TRANK1: variants seen among roughly 807,000 people sequenced by gnomAD.
The protein encoded by TRANK1 is tetratricopeptide repeat and ankyrin repeat containing 1, also known as TPR and ankyrin repeat-containing protein 1.
Under a neutral mutation model 266.0 loss-of-function variants are expected in TRANK1, and 198 were observed. The ratio of observed to expected loss-of-function variants is 0.74; its 90% confidence interval spans 0.66 to 0.84. The LOEUF is 0.84. Ranked by LOEUF, TRANK1 falls within the 40% of genes least tolerant of loss-of-function variation. The pLI is 0.00. For missense variants in TRANK1, 3,326 were observed against 3,634.6 expected (o/e 0.92, Z 2.18); for synonymous variants, 1,396 against 1,384.1 (o/e 1.01, Z -0.19).
chr3:36,870,560 T>C (rs2079293000), intron 9 of TRANK1, among the ~76,000 whole-genome samples: 1 of 152,198 alleles, frequency 6.6e-6, no homozygotes, highest in African/African-American at 2.4e-5. Flanking sequence ...TTCTCTATAG[T>C]CTTTCAATAT....
chr3:36,870,940 G>A (rs910326233), intron 9 of TRANK1, among the ~76,000 whole-genome samples: 1 of 115,210 alleles, frequency 8.7e-6, no homozygotes, highest in Admixed American at 1.1e-4. Flanking sequence ...AGATATTCAA[G>A]GATTGTATTA....
intron 23 of TRANK1, 84 bp from the exon 24 acceptor site, chr3:36,828,459 AAAGG>A: frequency 1.0e-6 from 1 of 973,248 alleles, no homozygotes; most frequent in East Asian, 2.6e-5. Context: ...GGAAGGAAGG[AAAGG>A]AGGAAGGGAG....
intron 10 of TRANK1, among the ~76,000 whole-genome samples, chr3:36,861,915 C>T (rs2079148424): frequency 1.3e-5 from 2 of 152,020 alleles, no homozygotes; most frequent in South Asian, 4.1e-4. Flanking sequence ...CTATGTTAGC[C>T]AGGATGGTCT....
chr3:36,847,675 C>G (rs1056667817), intron 15 of TRANK1, among the ~76,000 whole-genome samples: 9 of 152,146 alleles, frequency 5.9e-5, no homozygotes, highest in Admixed American at 2.6e-4. Flanking sequence ...ACAGGGGAAT[C>G]CCCACCCCTT....
At chr3:36,864,291 C>T in intron 10 of TRANK1, 28 bp downstream of exon 10, 1 of 1,468,504 alleles carries the variant, frequency 6.8e-7, no homozygotes, top group Non-Finnish European at 9.0e-7. Flanking sequence ...TCATTTTTAA[C>T]ATCATTGAAC....
intron 8 of TRANK1, among the ~76,000 whole-genome samples, chr3:36,878,503 A>G (rs1377606109): frequency 1.3e-5 from 2 of 152,188 alleles, no homozygotes; most frequent in Non-Finnish European, 2.9e-5. Flanking sequence ...CTTTAGGTCA[A>G]TGTAGCAACA....
intron 21 of TRANK1, chr3:36,834,246 T>C (rs1397122862): frequency 8.6e-6 from 2 of 233,368 alleles, no homozygotes; most frequent in African/African-American, 4.6e-5. Context: ...GTCTAAATTA[T>C]CCTTGAAAAA....
At chr3:36,850,801 T>A in intron 15 of TRANK1, 1 of 985,388 alleles carries the variant, frequency 1.0e-6, no homozygotes, top group Non-Finnish European at 1.2e-6. Context: ...AAGGACTCTA[T>A]CTAAAGGGTC....
Position 36,831,214 on chromosome 3 carries a change from A to C in TRANK1, c.8369T>G (p.Phe2790Cys), listed in dbSNP as rs774889495. The change falls in exon 22 of 24, where the codon TTT (phenylalanine) becomes TGT (cysteine). Residue 2790 changes from phenylalanine to cysteine, a missense_variant. Phe to Cys is a radical substitution (Grantham distance 205, BLOSUM62 -2). Coordinates refer to ENST00000645898, the MANE Select transcript of TRANK1 (RefSeq NM_001329998.2). This position sits in a 1 kb window ranked among gnomAD's most constrained non-coding sequence, Gnocchi z 5.0. Reference sequence around the variant, plus strand: ...TGCCACCTCGGAAGCTGCCCCCTCAAACGCTTTGCTGGGGCTGAAATAGTT... The same window carrying C: ...TGCCACCTCGGAAGCTGCCCCCTCACACGCTTTGCTGGGGCTGAAATAGTT... ...PENYFSPSKA[F>C]EGAASEVAVL... is the part of the protein sequence containing the mutation. 2.5e-6 allele frequency: 4 copies of C among 1,613,684 alleles called. No homozygotes were observed. The Admixed American group carries it at 6.7e-5, about 27-fold the overall frequency.
chr3:36,850,907 T>A, intron 15 of TRANK1: 2 of 985,404 alleles, frequency 2.0e-6, no homozygotes, highest in Middle Eastern at 5.2e-4. Context: ...GCAAAGGAAG[T>A]CTGCAACAAG....
At chr3:36,936,904 C>A (rs192971768) in intron 1 of TRANK1, among the ~76,000 whole-genome samples, 1 of 152,140 alleles carries the variant, frequency 6.6e-6, no homozygotes, top group Non-Finnish European at 1.5e-5. Flanking sequence ...AAGTTCGAGA[C>A]TGGCCTGGCC....
intron 1 of TRANK1, among the ~76,000 whole-genome samples, chr3:36,933,316 T>C (rs1345871862): frequency 6.6e-6 from 1 of 152,284 alleles, no homozygotes; most frequent in African/African-American, 2.4e-5. Flanking sequence ...TGTTCAGGTG[T>C]GCTGTCATGG....
Position 36,908,390 on chromosome 3 carries a change from T to C in TRANK1, c.88A>G (p.Asn30Asp), listed in dbSNP as rs1401077752. Residue 30 changes from asparagine (N) to aspartate (D), a missense_variant, in exon 2 of 24, where the codon AAC becomes GAC. Asn to Asp is a conservative substitution (Grantham distance 23, BLOSUM62 1). Coordinates refer to ENST00000645898, the MANE Select transcript of TRANK1 (RefSeq NM_001329998.2). Reference protein sequence around the residue: ...ESGNQVLKNGNFSLAIRKYDE... With the variant: ...ESGNQVLKNGDFSLAIRKYDE... ...TACTTTCTGATGGCCAAAGAGAAGT[T>C]CCCATTCTTAAGAACCTGGTTGCCG... The C allele has an allele frequency of 1.6e-6, 2 of 1,232,086 alleles. No homozygotes were observed. The highest frequency in any genetic ancestry group is 2.0e-6 in the Non-Finnish European group (2 of 988,012). 76.3% of individuals were successfully genotyped at this position (1,232,086 alleles called of 1,614,324 possible).
chr3:36,908,838 A>G (rs2080011704), intron 1 of TRANK1, among the ~76,000 whole-genome samples: 1 of 152,226 alleles, frequency 6.6e-6, no homozygotes, highest in African/African-American at 2.4e-5. Flanking sequence ...CCCACTGTTC[A>G]GATGAGGAAA....
intron 7 of TRANK1, among the ~76,000 whole-genome samples, chr3:36,891,063 C>G (rs1399301037): frequency 6.6e-6 from 1 of 152,188 alleles, no homozygotes; most frequent in Admixed American, 6.5e-5. Flanking sequence ...CTTGGCCAGG[C>G]ATGGTGGGGC....
chr3:36,851,868 C>T lies in TRANK1; in HGVS notation c.4750-12G>A. 6.3e-7 allele frequency: 1 copy of T among 1,580,148 alleles called. No individual in the cohort carries two copies. The highest frequency in any genetic ancestry group is 8.6e-7 in the Non-Finnish European group (1 of 1,165,156). On this transcript the variant is annotated splice_polypyrimidine_tract_variant and intron_variant, in intron 14 of 23. Transcript: ENST00000645898. ...GCCACAAGGATTACCTGAAGAAAAA[C>T]AAAAGAACATCAAATTCTACAGAGA...
chr3:36,851,435 C>T (rs2078982985), intron 15 of TRANK1: 2 of 1,146,636 alleles, frequency 1.7e-6, no homozygotes, highest in Non-Finnish European at 2.1e-6. Flanking sequence ...CCAAGGATAA[C>T]AGTGGCTAAT....
chr3:36,831,146 T>C lies in TRANK1; in HGVS notation c.8437A>G (p.Arg2813Gly), dbSNP rs1205702651. 3.1e-6 allele frequency: 5 copies of C among 1,613,830 alleles called. No homozygotes were observed. Among genetic ancestry groups the C allele is most frequent in the Non-Finnish European group, 3.4e-6 (4 of 1,179,888 alleles). The change falls in exon 22 of 24, where the codon AGG becomes GGG. Residue 2813 changes from arginine to glycine, a missense_variant. Physicochemically the swap from Arg to Gly is moderately radical, Grantham distance 125. Transcript: ENST00000645898. The surrounding 1 kb of genome is among the most constrained non-coding windows in gnomAD (Gnocchi z 5.0). ...AELEREECQE[R>G]NSESYEQHIH... ...TGCTGCTCGTAAGACTCGCTGTTCC[T>C]CTCCTGACACTCCTCCCTTTCCAGC...
At chr3:36,930,489 TCATGTTGTTTTAAGC>T (rs1182745778) in intron 1 of TRANK1, among the ~76,000 whole-genome samples, 1 of 152,168 alleles carries the variant, frequency 6.6e-6, no homozygotes, top group Non-Finnish European at 1.5e-5. Context: ...GATAATAAAT[TCATGTTGTTTTAAGC>T]CACTAAGTTT....
Sources: gnomAD v4.1 joint callset for allele counts (sites outside exome capture counted in the v4.1 genomes callset) on GRCh38, gnomAD v4.1.1 for gene constraint, Gnocchi (gnomAD v3.1) non-coding constraint, MANE v1.5 for transcripts, NCBI Gene and HGNC (gene_info 2026-07-23, HGNC 2026-07-21) for gene names.